RELN: variants seen among roughly 807,000 people sequenced by gnomAD.
RELN encodes the protein reelin.
Under a neutral mutation model 427.6 loss-of-function variants are expected in RELN, and 108 were observed. That is an observed-to-expected ratio of 0.25 (90% CI 0.22 to 0.30). RELN has a LOEUF of 0.30. RELN is among the 10% of genes least tolerant of loss of function. The pLI, the probability that RELN is intolerant of heterozygous loss-of-function variation, is 1.00. For missense variants in RELN, 3,715 were observed against 4,302.8 expected (o/e 0.86, Z 3.82); for synonymous variants, 1,524 against 1,513.4 (o/e 1.01, Z -0.16).
chr7:103,973,152 A>G (rs999742732), intron 1 of RELN, among the ~76,000 whole-genome samples: 1 of 152,258 alleles, frequency 6.6e-6, no homozygotes, highest in Non-Finnish European at 1.5e-5. Context: ...CACAGCCAGT[A>G]GTGATAATCC....
At chr7:103,705,411 T>C (rs1338799520) in intron 8 of RELN, among the ~76,000 whole-genome samples, 1 of 152,172 alleles carries the variant, frequency 6.6e-6, no homozygotes, top group Non-Finnish European at 1.5e-5. Flanking sequence ...ATCGTAACCT[T>C]ACAGAAAAAT....
At chr7:103,492,115 C>CTGAT (rs1828693881) in intron 57 of RELN, 89 bp from the exon 58 acceptor site, 2 of 1,005,190 alleles carry the variant, frequency 2.0e-6, no homozygotes, top group Admixed American at 2.0e-5. Context: ...ATTTATTACT[C>CTGAT]TGATAGGTAA....
At position 103,589,724 on chromosome 7, in the gene RELN, G is replaced by A. The variant is rs755686827; in HGVS notation, c.4017C>T (p.Tyr1339=). 4 of 1,613,604 alleles carry A rather than the reference G, an allele frequency of 2.5e-6. No individual in the cohort carries two copies. In the South Asian group the frequency reaches 3.3e-5, roughly 13 times the overall value. ...CGCATCCTTTGCCTGCAGAAGCCGG[G>A]TAACAGCCTTCTTTCACCAGAAACC... ...MSWFLVKEGC[Y]PASAGKGCEG... is the part of the protein sequence containing the mutation. Residue 1339 remains tyrosine, a synonymous_variant, in exon 28 of 65, where the codon TAC becomes TAT. Transcript: ENST00000428762.
At chr7:103,544,350 T>A (rs151275308) in intron 42 of RELN, among the ~76,000 whole-genome samples, 3 of 140,370 alleles carry the variant, frequency 2.1e-5, no homozygotes, top group African/African-American at 7.9e-5. Context: ...GCGAATCACC[T>A]CCCGAGTAGC....
intron 3 of RELN, among the ~76,000 whole-genome samples, chr7:103,823,697 C>T (rs1793063450): frequency 6.6e-6 from 1 of 152,036 alleles, no homozygotes; most frequent in Non-Finnish European, 1.5e-5. Flanking sequence ...AATTTATTTG[C>T]ATGCTCAATG....
At chr7:103,980,935 A>G (rs1275965618) in intron 1 of RELN, among the ~76,000 whole-genome samples, 1 of 152,204 alleles carries the variant, frequency 6.6e-6, no homozygotes, top group Non-Finnish European at 1.5e-5. Flanking sequence ...TTGCAGGATG[A>G]GAATACAGGA....
Position 103,620,388 on chromosome 7 carries a change from C to T in RELN, c.2703-8585G>A, listed in dbSNP as rs10273601. Among the ~76,000 whole-genome samples the T allele has an allele frequency of 0.034, 5,245 of 152,148 alleles. 294 individuals are homozygous for T. The highest frequency in any genetic ancestry group is 0.12 in the African/African-American group (4,952 of 41,498). ...AATTCATCTCCGATCTCAGGCTATC[C>T]ATAACTCCCTGACTCCTCTTTTTCT... On this transcript the variant is annotated intron_variant, in intron 20 of 64. Coordinates refer to ENST00000428762, the MANE Select transcript of RELN (RefSeq NM_005045.4). The surrounding 1 kb of genome is among the most constrained non-coding windows in gnomAD (Gnocchi z 4.1).
chr7:103,770,484 C>G (rs1563002479), intron 4 of RELN, among the ~76,000 whole-genome samples: 3 of 152,160 alleles, frequency 2.0e-5, no homozygotes, highest in Admixed American at 6.5e-5. Flanking sequence ...GCAACAAGCA[C>G]TAAAGCAACA....
At chr7:103,581,391 T>G (rs146902737) in intron 28 of RELN, among the ~76,000 whole-genome samples, 131 of 152,258 alleles carry the variant, frequency 8.6e-4, no homozygotes, top group African/African-American at 3.1e-3. Flanking sequence ...AAGGGTAAAG[T>G]AGATTACCTG....
chr7:103,843,590 T>C (rs1039816018), intron 2 of RELN, among the ~76,000 whole-genome samples: 2 of 152,216 alleles, frequency 1.3e-5, no homozygotes, highest in African/African-American at 4.8e-5. Context: ...GCCCTTCCTA[T>C]AAGGCACAAG....
chr7:103,629,693 A>T (rs1433791449), intron 20 of RELN, among the ~76,000 whole-genome samples: 5 of 152,046 alleles, frequency 3.3e-5, no homozygotes, highest in Non-Finnish European at 7.4e-5. Context: ...ATATGGGAAA[A>T]TTTTATGTTT....
chr7:103,850,030 A>G (rs1291365738), intron 2 of RELN, among the ~76,000 whole-genome samples: 1 of 152,218 alleles, frequency 6.6e-6, no homozygotes, highest in Admixed American at 6.5e-5. Context: ...ATTTCATAAT[A>G]CCAAGTGAAT....
At chr7:103,489,274 C>T (rs1196289988) in intron 60 of RELN, among the ~76,000 whole-genome samples, 1 of 151,096 alleles carries the variant, frequency 6.6e-6, no homozygotes, top group Non-Finnish European at 1.5e-5. Context: ...GAGTTTTCAG[C>T]TACATCTTAG....
intron 28 of RELN, among the ~76,000 whole-genome samples, chr7:103,576,249 C>T (rs886762007): frequency 1.3e-5 from 2 of 152,116 alleles, no homozygotes; most frequent in Non-Finnish European, 2.9e-5. Flanking sequence ...AAAAAATTCT[C>T]GTGCTTCAGC....
intron 63 of RELN, among the ~76,000 whole-genome samples, chr7:103,481,017 TG>T (rs1295251404): frequency 1.3e-5 from 2 of 152,178 alleles, no homozygotes; most frequent in Non-Finnish European, 2.9e-5. Context: ...GAGACTCTCT[TG>T]GGTGCTGTGT....
intron 1 of RELN, among the ~76,000 whole-genome samples, chr7:103,921,442 T>A (rs1290918779): frequency 1.3e-5 from 2 of 152,196 alleles, no homozygotes; most frequent in African/African-American, 4.8e-5. Flanking sequence ...TTGGAGTCAA[T>A]TTTTATATCT....
At chr7:103,617,399 TC>T (rs1410156893) in intron 20 of RELN, among the ~76,000 whole-genome samples, 2 of 152,110 alleles carry the variant, frequency 1.3e-5, no homozygotes, top group Non-Finnish European at 2.9e-5. Context: ...ACTGTTATAG[TC>T]CCTGATTCTG....
chr7:103,477,920 T>C (rs1000949142), intron 64 of RELN, among the ~76,000 whole-genome samples: 2 of 152,232 alleles, frequency 1.3e-5, no homozygotes, highest in African/African-American at 4.8e-5. Flanking sequence ...AGAGGAGAAT[T>C]GGTAAGTCAA....
intron 1 of RELN, among the ~76,000 whole-genome samples, chr7:103,957,435 T>A (rs987291314): frequency 2.6e-5 from 4 of 152,300 alleles, no homozygotes; most frequent in South Asian, 2.1e-4. Context: ...AACATGTGCA[T>A]AACACTTCAT....
Sources: gnomAD v4.1 joint callset for allele counts (sites outside exome capture counted in the v4.1 genomes callset) on GRCh38, gnomAD v4.1.1 for gene constraint, Gnocchi (gnomAD v3.1) non-coding constraint, MANE v1.5 for transcripts, NCBI Gene and HGNC (gene_info 2026-07-23, HGNC 2026-07-21) for gene names.